The following CAPN13 variants were observed in gnomAD, a reference collection of about 807,000 sequenced individuals.
CAPN13 encodes calpain-13.
A neutral mutation model predicts 98.4 loss-of-function variants in CAPN13; 90 were observed. That is an observed-to-expected ratio of 0.92 (90% CI 0.77 to 1.09). The LOEUF is 1.09. Among genes scored for constraint, CAPN13 ranks in the 50% least tolerant of loss-of-function variants. The pLI is 0.00. For missense variants in CAPN13, 887 were observed against 841.3 expected, an observed-to-expected ratio of 1.05 and a Z score of -0.67; for synonymous variants, 330 against 305.5, an observed-to-expected ratio of 1.08 and a Z score of -0.84.
Position 30,763,066 on chromosome 2 carries a change from C to T in CAPN13, c.774+16G>A, listed in dbSNP as rs1298831580. ...GAGGCCAGGGGAGAGCTGGACAGGC[C>T]AGCAGCCAGCCTTACCTGCTCAGCC... On this transcript the variant is annotated intron_variant, in intron 7 of 22. Transcript: ENST00000295055. 1.5e-5 allele frequency: 24 copies of T among 1,599,488 alleles called. No individual in the cohort carries two copies. The highest frequency in any genetic ancestry group is 2.0e-5 in the Non-Finnish European group (23 of 1,172,220).
chr2:30,770,498 G>A, intron 4 of CAPN13, 49 bp from the exon 5 acceptor site: 1 of 1,595,510 alleles, frequency 6.3e-7, no homozygotes, highest in Non-Finnish European at 8.6e-7. Flanking sequence ...GCAGAAGGGA[G>A]CTCCTGGGTC....
chr2:30,786,257 T>A (rs1420201118), intron 2 of CAPN13, among the ~76,000 whole-genome samples: 1 of 152,250 alleles, frequency 6.6e-6, no homozygotes, highest in Non-Finnish European at 1.5e-5. Flanking sequence ...GATATTATAA[T>A]GATTAGCTTA....
chr2:30,744,477 C>T (rs1253687952), intron 12 of CAPN13, among the ~76,000 whole-genome samples: 1 of 152,206 alleles, frequency 6.6e-6, no homozygotes, highest in Non-Finnish European at 1.5e-5. Flanking sequence ...ATCAGTTCTT[C>T]TCCAGAGGGT....
intron 8 of CAPN13, 32 bp from the exon 9 acceptor site, chr2:30,754,396 A>G (rs1482875074): frequency 1.3e-6 from 2 of 1,566,738 alleles, no homozygotes; most frequent in Admixed American, 1.9e-5. Context: ...ACAGGGTGAG[A>G]TTTTCCAGTG....
intron 14 of CAPN13, 27 bp downstream of exon 14, chr2:30,742,299 G>T (rs145761554): frequency 2.5e-6 from 4 of 1,593,896 alleles, no homozygotes; most frequent in Non-Finnish European, 1.7e-6. Flanking sequence ...AATGAGGCTC[G>T]CCAGCCAAAC....
intron 1 of CAPN13, among the ~76,000 whole-genome samples, chr2:30,804,957 C>A (rs1313844616): frequency 6.6e-6 from 1 of 152,196 alleles, no homozygotes; most frequent in African/African-American, 2.4e-5. Flanking sequence ...CTTTATTAAA[C>A]CTTTCTTAGG....
At chr2:30,770,615 T>C (rs569656602) in intron 4 of CAPN13, among the ~76,000 whole-genome samples, 166 bp from the exon 5 acceptor site, 1 of 152,210 alleles carries the variant, frequency 6.6e-6, no homozygotes, top group Non-Finnish European at 1.5e-5. Flanking sequence ...AGGCATGTCA[T>C]CTCAACCGGC....
At chr2:30,788,612 C>G (rs548152059) in intron 1 of CAPN13, among the ~76,000 whole-genome samples, 4 of 152,204 alleles carry the variant, frequency 2.6e-5, no homozygotes, top group Admixed American at 6.5e-5. Flanking sequence ...ATTTCCACTT[C>G]ACAGTGGAAA....
chr2:30,784,178 T>A (rs1674138239), intron 2 of CAPN13, among the ~76,000 whole-genome samples: 2 of 145,442 alleles, frequency 1.4e-5, no homozygotes, highest in African/African-American at 5.6e-5. Context: ...AGACTCCATC[T>A]CAAAAAAAAG....
At chr2:30,805,013 G>T (rs1012029038) in intron 1 of CAPN13, among the ~76,000 whole-genome samples, 2 of 152,140 alleles carry the variant, frequency 1.3e-5, no homozygotes, top group African/African-American at 2.4e-5. Flanking sequence ...TAGGACTCTT[G>T]GTCCCTTTTT....
At chr2:30,731,536 T>G in intron 20 of CAPN13, 137 bp from the exon 21 acceptor site, 1 of 669,694 alleles carries the variant, frequency 1.5e-6, no homozygotes, top group South Asian at 2.2e-5. Context: ...GGGGTGTGCC[T>G]GTCACCCATC....
At chr2:30,734,661 G>A in intron 18 of CAPN13, 137 bp from the exon 19 acceptor site, 1 of 698,588 alleles carries the variant, frequency 1.4e-6, no homozygotes, top group East Asian at 2.7e-5. Context: ...AGGACACAGT[G>A]GCCACACCTG....
chr2:30,754,727 AATC>A (rs1672357510), intron 8 of CAPN13, among the ~76,000 whole-genome samples: 1 of 152,012 alleles, frequency 6.6e-6, no homozygotes, highest in East Asian at 1.9e-4. Context: ...ACATCCAAAC[AATC>A]ATCAAATAGC....
chr2:30,802,549 G>C (rs867596180), intron 1 of CAPN13, among the ~76,000 whole-genome samples: 2,053 of 150,418 alleles, frequency 0.014, 59 homozygotes, highest in African/African-American at 0.047. Flanking sequence ...GGCTGGGGGG[G>C]GGGGGTGGTG....
intron 1 of CAPN13, among the ~76,000 whole-genome samples, chr2:30,796,086 T>C (rs1674841954): frequency 6.7e-6 from 1 of 150,074 alleles, no homozygotes; most frequent in African/African-American, 2.5e-5. Context: ...CCCTTTTCCT[T>C]TCTTCCCCAA....
intron 1 of CAPN13, among the ~76,000 whole-genome samples, chr2:30,800,546 C>T (rs1458193619): frequency 6.6e-6 from 1 of 152,312 alleles, no homozygotes; most frequent in Non-Finnish European, 1.5e-5. Flanking sequence ...GGGCACGTCG[C>T]TCCCTCCCCT....
chr2:30,795,365 T>C (rs1399150839), intron 1 of CAPN13, among the ~76,000 whole-genome samples: 1 of 152,092 alleles, frequency 6.6e-6, no homozygotes. Context: ...TTGTACCAAT[T>C]TATAATTTCA....
rs547086479 is a variant in CAPN13, at chr2:30,733,201, C to G, written c.1799-635G>C. On this transcript the variant is annotated intron_variant, in intron 19 of 22. Transcript: ENST00000295055. Reference sequence around the variant, plus strand: ...GCAAGACTTAAGAGAGCAAGCAGAACCCTGCAAGCCAAACCATCCATCATG... The same window carrying G: ...GCAAGACTTAAGAGAGCAAGCAGAAGCCTGCAAGCCAAACCATCCATCATG... Among the ~76,000 whole-genome samples, 110 of 152,288 alleles carry G rather than the reference C, an allele frequency of 7.2e-4. 1 individual carries two copies. The highest frequency in any genetic ancestry group is 2.6e-3 in the African/African-American group (108 of 41,560).
At chr2:30,732,396 G>C in intron 20 of CAPN13, 42 bp downstream of exon 20, 1 of 1,610,042 alleles carries the variant, frequency 6.2e-7, no homozygotes, top group South Asian at 1.1e-5. Context: ...GTGTTCTTCG[G>C]TCACTGCCAA....
Sources: gnomAD v4.1 joint callset for allele counts (sites outside exome capture counted in the v4.1 genomes callset) on GRCh38, gnomAD v4.1.1 for gene constraint, MANE v1.5 for transcripts, NCBI Gene and HGNC (gene_info 2026-07-23, HGNC 2026-07-21) for gene names.